The following TRPM3 variants were observed in gnomAD, a reference collection of about 807,000 sequenced individuals.
TRPM3 encodes the protein transient receptor potential cation channel subfamily M member 3, also known as long transient receptor potential channel 3.
A neutral mutation model predicts 181.2 loss-of-function variants in TRPM3; 77 were observed. The observed-to-expected ratio is 0.42, with a 90% CI of 0.35 to 0.51. The LOEUF (loss-of-function observed/expected upper bound fraction) is 0.51, where lower values mean the gene tolerates loss of function less well. Among genes scored for constraint, TRPM3 ranks in the 20% least tolerant of loss-of-function variants. The probability of loss-of-function intolerance (pLI) is 0.01; values close to 1 mark genes in which losing one functional copy is unlikely to be tolerated. For missense variants in TRPM3, 1,759 were observed against 2,196.7 expected (o/e 0.80, Z 3.98); for synonymous variants, 745 against 796.4 (o/e 0.94, Z 1.09).
At chr9:71,352,772 C>G (rs1415131886) in intron 1 of TRPM3, among the ~76,000 whole-genome samples, 1 of 152,150 alleles carries the variant, frequency 6.6e-6, no homozygotes, top group Non-Finnish European at 1.5e-5. Flanking sequence ...CCCAGAATTT[C>G]TAGCCTTTGT....
chr9:71,440,695 G>A (rs542891021), intron 1 of TRPM3, among the ~76,000 whole-genome samples: 1 of 152,302 alleles, frequency 6.6e-6, no homozygotes, highest in South Asian at 2.1e-4. Context: ...TAGAGAGGCT[G>A]TCCAGTACTT....
At chr9:71,201,440 G>A (rs1222151551) in intron 1 of TRPM3, among the ~76,000 whole-genome samples, 1 of 152,324 alleles carries the variant, frequency 6.6e-6, no homozygotes, top group East Asian at 1.9e-4. Context: ...GATCGGGGAA[G>A]TTCTCCTGGA....
chr9:71,026,658 G>A (rs1014994715), intron 1 of TRPM3, among the ~76,000 whole-genome samples: 15 of 152,022 alleles, frequency 9.9e-5, no homozygotes, highest in African/African-American at 2.7e-4. Flanking sequence ...TGGTGGGCTC[G>A]AAGCCCACCA....
chr9:70,640,377 A>C (rs549197541), intron 10 of TRPM3, among the ~76,000 whole-genome samples, 183 bp downstream of exon 10: 1 of 152,338 alleles, frequency 6.6e-6, no homozygotes, highest in Non-Finnish European at 1.5e-5. Flanking sequence ...TGAAATTTCC[A>C]CTAGATGGCG....
chr9:71,130,602 C>T (rs1191968493), intron 1 of TRPM3, among the ~76,000 whole-genome samples: 2 of 152,072 alleles, frequency 1.3e-5, no homozygotes, highest in African/African-American at 2.4e-5. Flanking sequence ...AATGAAGGTA[C>T]CAAAGATGAA....
At chr9:71,217,178 C>G (rs2079940566) in intron 1 of TRPM3, among the ~76,000 whole-genome samples, 1 of 151,644 alleles carries the variant, frequency 6.6e-6, no homozygotes, top group Non-Finnish European at 1.5e-5. Context: ...TCTCGATCTC[C>G]TGACCTCGTG....
At chr9:70,890,179 G>A (rs777506275) in intron 1 of TRPM3, among the ~76,000 whole-genome samples, 79 of 150,794 alleles carry the variant, frequency 5.2e-4, no homozygotes, top group Non-Finnish European at 4.0e-4. Flanking sequence ...GAAGAAGAGA[G>A]ACTATAACAC....
At chr9:71,156,376 GACACACACACACACAC>G (rs71507025) in intron 1 of TRPM3, among the ~76,000 whole-genome samples, 13 of 138,448 alleles carry the variant, frequency 9.4e-5, no homozygotes, top group Middle Eastern at 3.6e-3. Flanking sequence ...ATATACTACA[GACACACACACACACAC>G]ACACACACAC....
At chr9:71,085,034 C>A (rs553501731) in intron 1 of TRPM3, among the ~76,000 whole-genome samples, 42 of 152,038 alleles carry the variant, frequency 2.8e-4, no homozygotes, top group African/African-American at 7.2e-4. Flanking sequence ...AGGGAAGGGA[C>A]TCCCTAGTCA....
rs1438198956 is a variant in TRPM3 at position 71,134,013 on chromosome 9, GTGCGCGT to G, written c.184-269509_184-269503del. Among the ~76,000 whole-genome samples, 69 of 129,912 alleles carry G rather than the reference GTGCGCGT, an allele frequency of 5.3e-4. 1 individual carries two copies. The highest frequency in any genetic ancestry group is 1.5e-3 in the African/African-American group (52 of 33,774). 85.2% of individuals were successfully genotyped at this position (129,912 alleles called of 152,430 possible). A position where few individuals can be genotyped will look rare whatever the true frequency, so the allele number is the denominator to read the frequency against. On this transcript the variant is annotated intron_variant, in intron 1 of 24. Coordinates refer to the TRPM3 transcript ENST00000357533. ...TGTGTGTGTGTGTGTGTGTGTGTGTGTGCGCGTGCGCGCGCGCGCGTGTCTGTGTTTG... is the reference window on the plus strand; with the variant it reads ...TGTGTGTGTGTGTGTGTGTGTGTGTGGCGCGCGCGCGCGTGTCTGTGTTTG...
upstream of TRPM3, among the ~76,000 whole-genome samples, chr9:71,124,185 C>T (rs2134414613): frequency 6.6e-6 from 1 of 152,110 alleles, no homozygotes; most frequent in Admixed American, 6.5e-5. Context: ...ACGCTTTGTG[C>T]CAGAATTGTT....
intron 22 of TRPM3, among the ~76,000 whole-genome samples, chr9:70,561,038 A>G (rs1019149037): frequency 6.6e-6 from 1 of 152,210 alleles, no homozygotes; most frequent in Admixed American, 6.5e-5. Context: ...GCAAAAAAGG[A>G]TATTTCTTGA....
At chr9:71,405,413 C>T (rs532491999) in intron 1 of TRPM3, among the ~76,000 whole-genome samples, 6 of 152,226 alleles carry the variant, frequency 3.9e-5, no homozygotes, top group African/African-American at 1.4e-4. Flanking sequence ...TATCCTCCTC[C>T]TACTCCAGAA....
chr9:71,338,296 G>A (rs2090713546), intron 1 of TRPM3, among the ~76,000 whole-genome samples: 1 of 152,080 alleles, frequency 6.6e-6, no homozygotes, highest in African/African-American at 2.4e-5. Context: ...GCCTTCAGAA[G>A]GCCAAGATGA....
At chr9:70,624,189 T>G (rs2064107303) in intron 14 of TRPM3, among the ~76,000 whole-genome samples, 2 of 152,230 alleles carry the variant, frequency 1.3e-5, no homozygotes, top group Non-Finnish European at 2.9e-5. Context: ...TTGGAAGAGC[T>G]GCATACCTTA....
intron 1 of TRPM3, among the ~76,000 whole-genome samples, chr9:71,044,936 G>C (rs753814868): frequency 8.5e-5 from 13 of 152,120 alleles, no homozygotes; most frequent in Non-Finnish European, 1.6e-4. Flanking sequence ...CTCCCAAAGT[G>C]CTGGGATTAC....
intron 20 of TRPM3, among the ~76,000 whole-genome samples, chr9:70,599,049 C>T (rs941715640): frequency 6.6e-6 from 1 of 152,160 alleles, no homozygotes; most frequent in African/African-American, 2.4e-5. Context: ...CTCCATTTTT[C>T]TCTTTCACAT....
chr9:71,305,973 C>A (rs532164581), intron 1 of TRPM3, among the ~76,000 whole-genome samples: 3 of 152,188 alleles, frequency 2.0e-5, no homozygotes, highest in South Asian at 4.2e-4. Flanking sequence ...AGAAAGGGTG[C>A]TTTGTTGTAC....
chr9:71,370,638 C>T (rs2092479362), intron 1 of TRPM3, among the ~76,000 whole-genome samples: 1 of 152,156 alleles, frequency 6.6e-6, no homozygotes, highest in South Asian at 2.1e-4. Context: ...GGCAAGAAGC[C>T]ATCTCCGTAA....
Sources: gnomAD v4.1 joint callset for allele counts (sites outside exome capture counted in the v4.1 genomes callset) on GRCh38, gnomAD v4.1.1 for gene constraint, MANE v1.5 for transcripts, NCBI Gene and HGNC (gene_info 2026-07-23, HGNC 2026-07-21) for gene names.